NELL1: variants seen among roughly 807,000 people sequenced by gnomAD.
NELL1 encodes the protein protein kinase C-binding protein NELL1.
Under a neutral mutation model 107.4 loss-of-function variants are expected in NELL1, and 76 were observed. The ratio of observed to expected loss-of-function variants is 0.71; its 90% CI spans 0.59 to 0.86. The LOEUF (loss-of-function observed/expected upper bound fraction) is 0.86, where lower values mean the gene tolerates loss of function less well. NELL1 is among the 40% of genes least tolerant of loss of function. The probability of loss-of-function intolerance (pLI) is 0.00; values close to 1 mark genes in which losing one functional copy is unlikely to be tolerated. For synonymous variants in NELL1, 353 were observed against 341.2 expected (o/e 1.03, Z -0.38); for missense variants, 1,024 against 1,005.5 (o/e 1.02, Z -0.25).
At chr11:20,744,968 C>G (rs112052025) in intron 2 of NELL1, among the ~76,000 whole-genome samples, 1 of 152,148 alleles carries the variant, frequency 6.6e-6, no homozygotes, top group Non-Finnish European at 1.5e-5. Flanking sequence ...TATGTGTTAC[C>G]TCCTTAGAGA....
intron 2 of NELL1, among the ~76,000 whole-genome samples, chr11:20,694,289 T>A (rs909179777): frequency 4.4e-4 from 67 of 152,232 alleles, no homozygotes; most frequent in African/African-American, 1.5e-3. Flanking sequence ...CCTTGTTAAT[T>A]TTTGTTTTTC....
chr11:21,109,899 TTG>T (rs1855065334), intron 12 of NELL1, among the ~76,000 whole-genome samples: 1 of 152,124 alleles, frequency 6.6e-6, no homozygotes, highest in Non-Finnish European at 1.5e-5. Context: ...GTCTTCTGGG[TTG>T]TGTGTTTCCC....
At chr11:21,239,646 C>T (rs549576036) in intron 14 of NELL1, among the ~76,000 whole-genome samples, 2 of 152,170 alleles carry the variant, frequency 1.3e-5, no homozygotes, top group African/African-American at 4.8e-5. Context: ...TACCCTACCA[C>T]TGCTTGTTGG....
chr11:21,269,268 C>G (rs2133932433), intron 14 of NELL1, among the ~76,000 whole-genome samples: 1 of 151,956 alleles, frequency 6.6e-6, no homozygotes, highest in African/African-American at 2.4e-5. Context: ...TGAGAATTTT[C>G]TAACATTAAT....
chr11:21,405,784 T>G (rs1852220282), intron 15 of NELL1, among the ~76,000 whole-genome samples: 2 of 151,986 alleles, frequency 1.3e-5, no homozygotes. Context: ...CATTAATTCC[T>G]TCTACTAAAA....
intron 16 of NELL1, among the ~76,000 whole-genome samples, chr11:21,543,347 T>C (rs1856341328): frequency 6.6e-6 from 1 of 151,982 alleles, no homozygotes; most frequent in South Asian, 2.1e-4. Flanking sequence ...AAGGAATCAA[T>C]ATGAAGTAAA....
chr11:20,830,641 A>G (rs1205462237), intron 3 of NELL1, among the ~76,000 whole-genome samples: 1 of 152,102 alleles, frequency 6.6e-6, no homozygotes, highest in African/African-American at 2.4e-5. Context: ...TGACTCCTGA[A>G]ATAGCTTTTG....
intron 10 of NELL1, among the ~76,000 whole-genome samples, chr11:20,947,009 G>A (rs548977984): frequency 6.6e-6 from 1 of 151,028 alleles, no homozygotes; most frequent in East Asian, 2.1e-4. Context: ...ATAGAAATTA[G>A]GAAATGTTAT....
chr11:20,782,564 T>TTC (rs1352199360), intron 2 of NELL1, among the ~76,000 whole-genome samples: 1 of 152,204 alleles, frequency 6.6e-6, no homozygotes, highest in Non-Finnish European at 1.5e-5. Flanking sequence ...TCAGAAGCCA[T>TTC]TCTTTAGGAT....
intron 14 of NELL1, among the ~76,000 whole-genome samples, chr11:21,345,048 G>A (rs1850655517): frequency 6.6e-6 from 1 of 152,138 alleles, no homozygotes; most frequent in Admixed American, 6.5e-5. Flanking sequence ...TTAACACTGG[G>A]ATTTCTGCTT....
At chr11:21,333,113 A>C (rs989093353) in intron 14 of NELL1, among the ~76,000 whole-genome samples, 1 of 152,044 alleles carries the variant, frequency 6.6e-6, no homozygotes, top group South Asian at 2.1e-4. Flanking sequence ...TAAGATTAAG[A>C]CAGATAATAC....
intron 14 of NELL1, among the ~76,000 whole-genome samples, chr11:21,292,408 A>C (rs537175194): frequency 8.6e-4 from 131 of 152,296 alleles, no homozygotes; most frequent in African/African-American, 3.0e-3. Context: ...ACTACAAACT[A>C]CTGCTCAAAG....
intron 2 of NELL1, among the ~76,000 whole-genome samples, chr11:20,775,383 G>T (rs185380834): frequency 6.6e-6 from 1 of 152,150 alleles, no homozygotes; most frequent in Non-Finnish European, 1.5e-5. Context: ...AATTTTCCAT[G>T]GGGTGTATAT....
chr11:20,746,964 C>T, intron 2 of NELL1, among the ~76,000 whole-genome samples: 1 of 152,158 alleles, frequency 6.6e-6, no homozygotes, highest in East Asian at 1.9e-4. Flanking sequence ...TTTTCTTTGC[C>T]CTCGAAAGGA....
intron 12 of NELL1, among the ~76,000 whole-genome samples, chr11:20,975,748 A>G (rs150444837): frequency 0.019 from 1,768 of 92,040 alleles, 60 homozygotes; most frequent in African/African-American, 0.029. Flanking sequence ...TGTATTATAT[A>G]ATATACATAT....
At chr11:21,269,269 T>A (rs542463259) in intron 14 of NELL1, among the ~76,000 whole-genome samples, 1 of 152,064 alleles carries the variant, frequency 6.6e-6, no homozygotes, top group South Asian at 2.1e-4. Flanking sequence ...GAGAATTTTC[T>A]AACATTAATG....
chr11:20,784,311 T>C (rs1856911020), intron 3 of NELL1, among the ~76,000 whole-genome samples: 1 of 152,162 alleles, frequency 6.6e-6, no homozygotes, highest in Admixed American at 6.5e-5. Context: ...GAAATAAAGG[T>C]AAGAGCAGTC....
intron 14 of NELL1, among the ~76,000 whole-genome samples, chr11:21,242,084 A>G (rs905998387): frequency 2.2e-4 from 33 of 151,890 alleles, no homozygotes; most frequent in Admixed American, 5.3e-4. Context: ...CTCAGCTCCT[A>G]AGTGAGAAAA....
At chr11:20,811,615 C>T (rs1291340238) in intron 3 of NELL1, among the ~76,000 whole-genome samples, 3 of 151,996 alleles carry the variant, frequency 2.0e-5, no homozygotes, top group Non-Finnish European at 4.4e-5. Context: ...CAATTTCTGT[C>T]ATCAATGTTT....
Sources: allele counts gnomAD v4.1 joint callset (sites outside exome capture counted in the v4.1 genomes callset), GRCh38; gene constraint gnomAD v4.1.1; transcripts MANE v1.5; gene names NCBI Gene and HGNC (gene_info 2026-07-23, HGNC 2026-07-21).